SFSWAP: variants seen among roughly 807,000 people sequenced by gnomAD.
The protein encoded by SFSWAP is splicing factor, suppressor of white-apricot homolog.
A neutral mutation model predicts 100.7 loss-of-function variants in SFSWAP; 17 were observed. That is an observed-to-expected ratio of 0.17 (90% CI 0.12 to 0.25). The LOEUF is 0.25. SFSWAP is among the 10% of genes least tolerant of loss of function. The pLI, the probability that SFSWAP is intolerant of heterozygous loss-of-function variation, is 1.00. For missense variants in SFSWAP, 1,005 were observed against 1,262.6 expected, an observed-to-expected ratio of 0.80 and a Z score of 3.09; for synonymous variants, 504 against 510.1, an observed-to-expected ratio of 0.99 and a Z score of 0.16.
At position 131,766,150 on chromosome 12, in the gene SFSWAP, G is replaced by A; in HGVS notation, c.1984G>A (p.Ala662Thr). ...AAAGCTGGAAGATCGCCTCGCAGCT[G>A]CTGCCCGGGAAAAGCTGGCCCAGGC... ...KQKLEDRLAA[A>T]AREKLAQASK... is the part of the protein sequence containing the mutation. Residue 662 changes from alanine to threonine, a missense_variant, in exon 13 of 18, where the codon GCT (alanine) becomes ACT (threonine). By Grantham distance (58) the Ala-to-Thr change is moderately conservative (BLOSUM62 0). Coordinates refer to ENST00000261674, the MANE Select transcript of SFSWAP (RefSeq NM_004592.4). 6.2e-7 allele frequency: 1 copy of A among 1,613,420 alleles called. No homozygotes were observed. The highest frequency in any genetic ancestry group is 8.5e-7 in the Non-Finnish European group (1 of 1,179,768).
At chr12:131,773,502 A>G (rs1385690926) in intron 13 of SFSWAP, among the ~76,000 whole-genome samples, 4 of 152,032 alleles carry the variant, frequency 2.6e-5, no homozygotes, top group Non-Finnish European at 1.5e-5. Flanking sequence ...CACCATGCCC[A>G]GCTAAATTTT....
chr12:131,748,218 CTTT>C (rs55709935), intron 7 of SFSWAP, among the ~76,000 whole-genome samples: 1 of 143,610 alleles, frequency 7.0e-6, no homozygotes, highest in African/African-American at 2.6e-5. Flanking sequence ...TATTTTAATT[CTTT>C]TTTTTTTTTT....
At chr12:131,736,739 GA>G (rs1362456048) in intron 7 of SFSWAP, among the ~76,000 whole-genome samples, 1 of 152,150 alleles carries the variant, frequency 6.6e-6, no homozygotes, top group Non-Finnish European at 1.5e-5. Flanking sequence ...AGAAGACGGA[GA>G]TTTCTAGGCT....
chr12:131,731,355 A>C (rs1879493885), intron 7 of SFSWAP, among the ~76,000 whole-genome samples: 1 of 152,064 alleles, frequency 6.6e-6, no homozygotes, highest in African/African-American at 2.4e-5. Flanking sequence ...CCCTTTGAGT[A>C]CCTTGTTCTG....
At chr12:131,750,727 A>G (rs865879429) in intron 7 of SFSWAP, among the ~76,000 whole-genome samples, 6 of 152,110 alleles carry the variant, frequency 3.9e-5, no homozygotes, top group Non-Finnish European at 8.8e-5. Flanking sequence ...GGCTCACTCC[A>G]TCACCCAAGC....
chr12:131,773,338 A>G (rs1457825125), intron 13 of SFSWAP, among the ~76,000 whole-genome samples: 1 of 151,946 alleles, frequency 6.6e-6, no homozygotes, highest in Non-Finnish European at 1.5e-5. Flanking sequence ...AGATTCCACA[A>G]ATTTTTTTTC....
chr12:131,799,380 G>C (rs201683541), intron 17 of SFSWAP, 43 bp from the exon 18 acceptor site: 18 of 1,594,836 alleles, frequency 1.1e-5, no homozygotes, highest in Non-Finnish European at 1.5e-5. Context: ...GGGTTGTCTG[G>C]CCAGGTCTTC....
At position 131,756,582 on chromosome 12, in the gene SFSWAP, G is replaced by C; in HGVS notation, c.1658G>C (p.Gly553Ala). The part of the protein sequence containing the change: ...EDAAEVGARA[G>A]SGGKKEASSS... ...GCAGCCGAGGTGGGAGCACGGGCAG[G>C]CTCAGGCGGGAAGAAGGAGGCATCG... The change falls in exon 11 of 18, where the codon GGC becomes GCC. Residue 553 changes from glycine to alanine, a missense_variant. Physicochemically the swap from Gly to Ala is moderately conservative, Grantham distance 60. This residue lies in a region of SFSWAP where 311 missense variants were observed against 317.8 expected (regional missense o/e 0.98). Transcript: ENST00000261674. The C allele has an allele frequency of 6.2e-7, 1 of 1,613,358 alleles. No individual in the cohort carries two copies. The highest frequency in any genetic ancestry group is 8.5e-7 in the Non-Finnish European group (1 of 1,179,820).
intron 3 of SFSWAP, among the ~76,000 whole-genome samples, chr12:131,715,456 T>C (rs1195085311): frequency 6.6e-6 from 1 of 152,218 alleles, no homozygotes; most frequent in Non-Finnish European, 1.5e-5. Flanking sequence ...GGCATATACT[T>C]ACCACAGTAT....
intron 1 of SFSWAP, chr12:131,712,315 T>C (rs1877446718): frequency 6.6e-6 from 1 of 152,374 alleles, no homozygotes; most frequent in South Asian, 2.1e-4. Context: ...AAGGATAACA[T>C]TACATGATGT....
At chr12:131,749,485 A>T (rs912667890) in intron 7 of SFSWAP, among the ~76,000 whole-genome samples, 1 of 152,236 alleles carries the variant, frequency 6.6e-6, no homozygotes, top group Non-Finnish European at 1.5e-5. Flanking sequence ...CTTAAAATTT[A>T]GTGTTCACGA....
chr12:131,736,995 C>G (rs1242256531), intron 7 of SFSWAP, among the ~76,000 whole-genome samples: 1 of 152,134 alleles, frequency 6.6e-6, no homozygotes, highest in African/African-American at 2.4e-5. Context: ...TGTCTGCTCT[C>G]ATTTACTAGT....
rs201392130 is a variant in SFSWAP at position 131,797,297 on chromosome 12, A to C, written c.2654A>C (p.His885Pro). The C allele has an allele frequency of 3.1e-6, 5 of 1,611,220 alleles. No homozygotes were observed. In the Admixed American group the frequency reaches 8.3e-5, roughly 27 times the overall value. ...CCCCGGCCCGCGGCCCCCGCGGCCC[A>C]CTCGGCGCACTCAGCCAGCGTCTCC... ...AAPRPAAPAAHSAHSASVSPV... is the reference protein window; with the variant it reads ...AAPRPAAPAAPSAHSASVSPV... The change falls in exon 16 of 18, where the codon CAC (histidine) becomes CCC (proline). Residue 885 changes from histidine (H) to proline (P), a missense_variant. By Grantham distance (77) the His-to-Pro change is moderately conservative. Around this residue, in one of 7 missense-constraint regions of SFSWAP, gnomAD observed 295 missense variants for 347.9 expected, o/e 0.85. Transcript: ENST00000261674.
intron 7 of SFSWAP, among the ~76,000 whole-genome samples, chr12:131,740,281 C>T (rs972379786): frequency 1.3e-5 from 2 of 152,124 alleles, no homozygotes; most frequent in Admixed American, 6.5e-5. Context: ...TTGCAGGGAA[C>T]GATGCACCGA....
rs550339832 is a variant in SFSWAP, at chr12:131,760,085, A to G, written c.1720+3441A>G. ...AACCATAATTCCATATAAATCCAGT[A>G]TTTAAATGTAAAACATAAAACTAGA... is the stretch of plus-strand genomic sequence containing the variant. On this transcript the variant is annotated intron_variant, in intron 11 of 17. Transcript: ENST00000261674. Among the ~76,000 whole-genome samples the G allele has an allele frequency of 2.0e-5, 3 of 152,360 alleles. No individual in the cohort carries two copies. In the South Asian group the frequency reaches 6.2e-4, roughly 32 times the overall value.
intron 14 of SFSWAP, among the ~76,000 whole-genome samples, chr12:131,779,234 A>AGCGTGTGTGAAGAGGGCGGCGCGGGTGG (rs1884284891): frequency 1.4e-5 from 2 of 147,576 alleles, no homozygotes; most frequent in African/African-American, 2.5e-5. Context: ...GGCGCGGGTG[A>AGCGTGTGTGAAGAGGGCGGCGCGGGTGG]GCGTGTGTGA....
At chr12:131,769,818 G>T (rs909698287) in intron 13 of SFSWAP, among the ~76,000 whole-genome samples, 1 of 151,988 alleles carries the variant, frequency 6.6e-6, no homozygotes, top group Non-Finnish European at 1.5e-5. Context: ...TAGTAGAGAC[G>T]GGGTTTCACC....
At chr12:131,787,053 G>A (rs548910193) in intron 15 of SFSWAP, among the ~76,000 whole-genome samples, 1 of 152,192 alleles carries the variant, frequency 6.6e-6, no homozygotes, top group Non-Finnish European at 1.5e-5. Flanking sequence ...ACAGAGTCCT[G>A]TTGGGGCCTA....
chr12:131,751,188 A>G (rs1188814171), intron 7 of SFSWAP, among the ~76,000 whole-genome samples: 1 of 152,254 alleles, frequency 6.6e-6, no homozygotes, highest in African/African-American at 2.4e-5. Context: ...GTTGTGTTCC[A>G]GTGTGATTGC....
Sources: allele counts gnomAD v4.1 joint callset (sites outside exome capture counted in the v4.1 genomes callset), GRCh38; gene constraint gnomAD v4.1.1; regional missense constraint gnomAD v4.1.1; transcripts MANE v1.5; gene names NCBI Gene and HGNC (gene_info 2026-07-23, HGNC 2026-07-21).